HS3ST4: variants seen among roughly 807,000 people sequenced by gnomAD.
The protein encoded by HS3ST4 is heparan sulfate glucosamine 3-O-sulfotransferase 4.
Under a neutral mutation model 29.2 loss-of-function variants are expected in HS3ST4, and 17 were observed. The observed-to-expected ratio is 0.58, with a 90% CI of 0.40 to 0.87. The LOEUF (loss-of-function observed/expected upper bound fraction) is 0.87, where lower values mean the gene tolerates loss of function less well. Among genes scored for constraint, HS3ST4 ranks in the 40% least tolerant of loss-of-function variants. HS3ST4 has a pLI of 0.00. For synonymous variants in HS3ST4, 314 were observed against 285.7 expected (o/e 1.10, Z -1.00); for missense variants, 627 against 634.5 (o/e 0.99, Z 0.13).
chr16:25,996,474 G>A (rs751208062), intron 1 of HS3ST4, among the ~76,000 whole-genome samples: 1 of 151,874 alleles, frequency 6.6e-6, no homozygotes, highest in Non-Finnish European at 1.5e-5. Context: ...TAAGTTAATG[G>A]ACTCCATTTT....
Position 25,692,496 on chromosome 16 carries a change from G to A in HS3ST4, c.79G>A (p.Ala27Thr), listed in dbSNP as rs773421492. ...LAAPPPPGAS[A>T]KGPPARKLLF... is the part of the protein sequence containing the mutation. ...CGCGCCGCCGCCGCCCGGCGCCTCTGCTAAGGGGCCGCCGGCGCGCAAGCT... is the reference window on the plus strand; with the variant it reads ...CGCGCCGCCGCCGCCCGGCGCCTCTACTAAGGGGCCGCCGGCGCGCAAGCT... The change falls in exon 1 of 2, where the codon GCT (alanine) becomes ACT (threonine). Residue 27 changes from alanine (A) to threonine (T), a missense_variant. Physicochemically the swap from Ala to Thr is moderately conservative, Grantham distance 58. Transcript: ENST00000331351. 2.1e-6 allele frequency: 3 copies of A among 1,402,940 alleles called. No individual in the cohort carries two copies. The South Asian group carries it at 4.1e-5, about 19-fold the overall frequency. 86.9% of individuals were successfully genotyped at this position (1,402,940 alleles called of 1,614,324 possible).
At chr16:26,097,748 T>A (rs1037243461) in intron 1 of HS3ST4, among the ~76,000 whole-genome samples, 5 of 152,052 alleles carry the variant, frequency 3.3e-5, no homozygotes, top group African/African-American at 1.2e-4. Flanking sequence ...CTAATTAAAC[T>A]AAAGAGCTTC....
chr16:25,865,583 T>C (rs1472283365), intron 1 of HS3ST4, among the ~76,000 whole-genome samples: 1 of 152,198 alleles, frequency 6.6e-6, no homozygotes, highest in Non-Finnish European at 1.5e-5. Flanking sequence ...ACCACAAAGC[T>C]AGAGTAATCA....
intron 1 of HS3ST4, among the ~76,000 whole-genome samples, chr16:26,042,241 C>T (rs1180803458): frequency 6.6e-6 from 1 of 152,210 alleles, no homozygotes; most frequent in African/African-American, 2.4e-5. Context: ...GCTATCCCTT[C>T]TCTTTAACTC....
chr16:25,932,778 A>C (rs1293832233), intron 1 of HS3ST4, among the ~76,000 whole-genome samples: 1 of 152,214 alleles, frequency 6.6e-6, no homozygotes, highest in Non-Finnish European at 1.5e-5. Context: ...TAAGAAGGTG[A>C]AAGGACTTCT....
At chr16:25,853,312 G>GTA (rs57953638) in intron 1 of HS3ST4, among the ~76,000 whole-genome samples, 2,995 of 91,592 alleles carry the variant, frequency 0.033, 24 homozygotes, top group Middle Eastern at 0.095. Context: ...GTGTGTGTGT[G>GTA]TATATATATA....
chr16:26,097,584 A>G (rs2141794294), intron 1 of HS3ST4, among the ~76,000 whole-genome samples: 1 of 152,368 alleles, frequency 6.6e-6, no homozygotes, highest in African/African-American at 2.4e-5. Flanking sequence ...AAATTAATTC[A>G]AGATGGATTA....
At chr16:25,758,988 A>C (rs112817055) in intron 1 of HS3ST4, among the ~76,000 whole-genome samples, 21 of 150,264 alleles carry the variant, frequency 1.4e-4, no homozygotes, top group South Asian at 4.2e-4. Context: ...ACAAAAAAAA[A>C]CCCCAGAAAA....
At chr16:26,000,021 A>G (rs530665264) in intron 1 of HS3ST4, among the ~76,000 whole-genome samples, 19 of 151,104 alleles carry the variant, frequency 1.3e-4, no homozygotes, top group African/African-American at 4.6e-4. Flanking sequence ...AAATGTGTAC[A>G]TGTTGAAAAG....
chr16:25,918,523 G>A (rs1336933675), intron 1 of HS3ST4, among the ~76,000 whole-genome samples: 1 of 152,240 alleles, frequency 6.6e-6, no homozygotes, highest in Non-Finnish European at 1.5e-5. Flanking sequence ...TGTAGCATGA[G>A]TAGTTTAGAG....
At chr16:26,100,827 T>C (rs1898981279) in intron 1 of HS3ST4, among the ~76,000 whole-genome samples, 1 of 152,192 alleles carries the variant, frequency 6.6e-6, no homozygotes, top group Admixed American at 6.5e-5. Context: ...GATTATATTA[T>C]CTTCTGTGAT....
intron 1 of HS3ST4, among the ~76,000 whole-genome samples, chr16:26,035,999 G>A (rs1438588524): frequency 6.6e-6 from 1 of 152,170 alleles, no homozygotes; most frequent in Non-Finnish European, 1.5e-5. Context: ...AAAGACAGCA[G>A]GTGTTCACTG....
At chr16:25,751,710 G>A (rs1361974906) in intron 1 of HS3ST4, among the ~76,000 whole-genome samples, 1 of 152,148 alleles carries the variant, frequency 6.6e-6, no homozygotes, top group African/African-American at 2.4e-5. Flanking sequence ...AAAAGGGCTG[G>A]TGTGGAGTAA....
intron 1 of HS3ST4, among the ~76,000 whole-genome samples, chr16:25,908,660 G>A (rs116417245): frequency 0.015 from 2,225 of 151,658 alleles, 45 homozygotes; most frequent in African/African-American, 0.042. Flanking sequence ...AGTGTAGATA[G>A]CTGTGAGTGT....
intron 1 of HS3ST4, among the ~76,000 whole-genome samples, chr16:25,775,304 C>T (rs1966846584): frequency 6.6e-6 from 1 of 152,094 alleles, no homozygotes; most frequent in African/African-American, 2.4e-5. Flanking sequence ...CTGTTGCCTG[C>T]CTCTTGCCCT....
chr16:25,775,454 C>T (rs1224415743), intron 1 of HS3ST4, among the ~76,000 whole-genome samples: 1 of 152,196 alleles, frequency 6.6e-6, no homozygotes, highest in Non-Finnish European at 1.5e-5. Flanking sequence ...TCTCACCTAA[C>T]CACTTGTTGG....
chr16:25,782,212 C>T (rs992452279), intron 1 of HS3ST4, among the ~76,000 whole-genome samples: 1 of 152,130 alleles, frequency 6.6e-6, no homozygotes, highest in African/African-American at 2.4e-5. Flanking sequence ...GGAAACCGCC[C>T]CCATAATCCA....
intron 1 of HS3ST4, among the ~76,000 whole-genome samples, chr16:25,800,092 GCCTT>G (rs369585373): frequency 8.2e-5 from 11 of 134,444 alleles, no homozygotes; most frequent in Non-Finnish European, 1.4e-4. Context: ...CTTCCTTCCT[GCCTT>G]CCTTCCTTCC....
At chr16:25,759,581 G>A (rs1191801786) in intron 1 of HS3ST4, among the ~76,000 whole-genome samples, 1 of 152,244 alleles carries the variant, frequency 6.6e-6, no homozygotes, top group South Asian at 2.1e-4. Context: ...GCTGAGAGCC[G>A]AAGGATGGAG....
Sources: allele counts gnomAD v4.1 joint callset (sites outside exome capture counted in the v4.1 genomes callset), GRCh38; gene constraint gnomAD v4.1.1; transcripts MANE v1.5; gene names NCBI Gene and HGNC (gene_info 2026-07-23, HGNC 2026-07-21).